The following PCDH9 variants were observed in gnomAD, a reference collection of about 807,000 sequenced individuals.
PCDH9 encodes protocadherin 9.
In PCDH9, 24 loss-of-function variants were observed where a neutral mutation model predicts 70.6. The ratio of observed to expected loss-of-function variants is 0.34; its 90% confidence interval spans 0.25 to 0.48. PCDH9 has a LOEUF of 0.48. Among genes scored for constraint, PCDH9 ranks in the 20% least tolerant of loss-of-function variants. The probability of loss-of-function intolerance (pLI) is 0.99; values close to 1 mark genes in which losing one functional copy is unlikely to be tolerated. For synonymous variants in PCDH9, 562 were observed against 558.5 expected, an observed-to-expected ratio of 1.01 and a Z score of -0.09; for missense variants, 1,281 against 1,503.6, an observed-to-expected ratio of 0.85 and a Z score of 2.45.
chr13:66,462,457 G>C (rs148939436), intron 4 of PCDH9, among the ~76,000 whole-genome samples: 141 of 151,810 alleles, frequency 9.3e-4, no homozygotes, highest in African/African-American at 3.3e-3. Flanking sequence ...GAAAGATCAC[G>C]GGAGCTAAAT....
chr13:66,761,657 T>C (rs2079629687), intron 3 of PCDH9, among the ~76,000 whole-genome samples: 2 of 152,284 alleles, frequency 1.3e-5, no homozygotes, highest in Non-Finnish European at 1.5e-5. Context: ...TTCCAAGTAT[T>C]GTATTTGCAG....
chr13:67,225,628 T>C lies in PCDH9; in HGVS notation c.2813A>G (p.His938Arg). 3 of 1,614,136 alleles carry C rather than the reference T, an allele frequency of 1.9e-6. No individual in the cohort carries two copies. Among genetic ancestry groups the C allele is most frequent in the Non-Finnish European group, 2.5e-6 (3 of 1,180,002 alleles). ...FKPNSPDLAK[H>R]YKSASPQPAF... Reference sequence around the variant, plus strand: ...AGGCTGTGGAGAAGCAGATTTGTAGTGCTTGGCCAGGTCAGGACTGTTAGG... The same window carrying C: ...AGGCTGTGGAGAAGCAGATTTGTAGCGCTTGGCCAGGTCAGGACTGTTAGG... The change falls in exon 2 of 5, where the codon CAC (histidine) becomes CGC (arginine). Residue 938 changes from histidine (H) to arginine (R), a missense_variant. By Grantham distance (29) the His-to-Arg change is conservative. Around this residue, in one of 4 missense-constraint regions of PCDH9, gnomAD observed 207 missense variants for 191.8 expected, o/e 1.08. Transcript: ENST00000377865.
intron 4 of PCDH9, among the ~76,000 whole-genome samples, chr13:66,534,577 G>T (rs1280937576): frequency 1.3e-5 from 2 of 152,012 alleles, no homozygotes; most frequent in African/African-American, 4.8e-5. Flanking sequence ...CACCACACTG[G>T]GGGCTAGAGT....
intron 2 of PCDH9, among the ~76,000 whole-genome samples, chr13:67,034,856 T>C (rs1043988178): frequency 6.6e-6 from 1 of 151,974 alleles, no homozygotes; most frequent in Non-Finnish European, 1.5e-5. Flanking sequence ...TTCAGTGACA[T>C]ATCACTGCTG....
intron 3 of PCDH9, among the ~76,000 whole-genome samples, chr13:66,861,586 TA>T (rs1174588916): frequency 2.8e-4 from 43 of 152,162 alleles, no homozygotes; most frequent in African/African-American, 1.0e-3. Flanking sequence ...TTAAGTTTAA[TA>T]GATTTCATAT....
chr13:66,381,378 T>C (rs570640427), intron 4 of PCDH9, among the ~76,000 whole-genome samples: 3 of 152,338 alleles, frequency 2.0e-5, no homozygotes, highest in South Asian at 4.1e-4. Flanking sequence ...TGTATGACTG[T>C]GCTCAAATAG....
chr13:66,565,292 T>A (rs1002500099), intron 4 of PCDH9, among the ~76,000 whole-genome samples: 3 of 152,196 alleles, frequency 2.0e-5, no homozygotes, highest in African/African-American at 7.2e-5. Flanking sequence ...AATAAATAAA[T>A]GGTGATAACA....
chr13:67,121,030 A>C (rs944061855), intron 2 of PCDH9, among the ~76,000 whole-genome samples: 4 of 152,142 alleles, frequency 2.6e-5, no homozygotes, highest in Non-Finnish European at 5.9e-5. Context: ...CTAACGTCCT[A>C]CTGTATGCTA....
chr13:67,147,504 C>T lies in PCDH9; in HGVS notation c.3036+77901G>A, dbSNP rs143751471. Among the ~76,000 whole-genome samples the T allele has an allele frequency of 3.6e-3, 553 of 152,258 alleles. 3 individuals carry two copies. Among genetic ancestry groups the T allele is most frequent in the Non-Finnish European group, 6.1e-3 (412 of 68,010 alleles). ...CTCCTGTTCAGGCAGCCTGCAGTGTCCCTGGAGAGAGTCTACGCTTGCCTT... is the reference window on the plus strand; with the variant it reads ...CTCCTGTTCAGGCAGCCTGCAGTGTTCCTGGAGAGAGTCTACGCTTGCCTT... On this transcript the variant is annotated intron_variant, in intron 2 of 4. Transcript: ENST00000377865.
chr13:66,757,994 A>G (rs926662005), intron 3 of PCDH9, among the ~76,000 whole-genome samples: 1 of 152,106 alleles, frequency 6.6e-6, no homozygotes, highest in East Asian at 1.9e-4. Flanking sequence ...ATTAATGAAC[A>G]TACAAATAAT....
intron 2 of PCDH9, among the ~76,000 whole-genome samples, chr13:67,051,000 T>C (rs906172137): frequency 1.3e-5 from 2 of 152,188 alleles, no homozygotes; most frequent in African/African-American, 4.8e-5. Flanking sequence ...TATAGATCTT[T>C]GGGGGATTCA....
Position 66,684,956 on chromosome 13 carries a change from G to T in PCDH9, c.3139-53545C>A, listed in dbSNP as rs554558247. ...TATAGACAATGAAGTCGAGATGGAG[G>T]TAGTGTTAAAAGCAATCAGTTTTAT... is the stretch of plus-strand genomic sequence containing the variant. On this transcript the variant is annotated intron_variant, in intron 3 of 4. Coordinates refer to ENST00000377865, the MANE Select transcript of PCDH9 (RefSeq NM_203487.3). 6.6e-5 allele frequency among the ~76,000 whole-genome samples: 10 copies of T among 152,094 alleles called. No individual in the cohort carries two copies. The East Asian group carries it at 1.2e-3, about 18-fold the overall frequency.
intron 3 of PCDH9, among the ~76,000 whole-genome samples, chr13:66,876,176 A>G (rs1343014882): frequency 2.0e-5 from 3 of 152,186 alleles, no homozygotes; most frequent in Non-Finnish European, 2.9e-5. Flanking sequence ...ACTTACTAAA[A>G]CCAATAGCCA....
chr13:66,597,340 G>C (rs1334999044), intron 4 of PCDH9, among the ~76,000 whole-genome samples: 2 of 151,710 alleles, frequency 1.3e-5, no homozygotes, highest in African/African-American at 4.8e-5. Context: ...AAGCTACAAA[G>C]CTACACTAAT....
At chr13:66,379,582 G>A (rs1329351706) in intron 4 of PCDH9, among the ~76,000 whole-genome samples, 4 of 152,006 alleles carry the variant, frequency 2.6e-5, no homozygotes, top group Non-Finnish European at 2.9e-5. Context: ...AGGCTGAGAG[G>A]AGATTCTGCA....
intron 3 of PCDH9, among the ~76,000 whole-genome samples, chr13:66,758,364 A>G (rs555060619): frequency 6.6e-6 from 1 of 152,092 alleles, no homozygotes; most frequent in Admixed American, 6.5e-5. Flanking sequence ...CCTAACCATC[A>G]CAGCCTTTGG....
chr13:66,633,747 A>G (rs974868760), intron 3 of PCDH9, among the ~76,000 whole-genome samples: 1 of 152,220 alleles, frequency 6.6e-6, no homozygotes, highest in Non-Finnish European at 1.5e-5. Flanking sequence ...CCCTTAAGCC[A>G]TTAAGAAGTA....
At chr13:66,711,568 C>T (rs1484089435) in intron 3 of PCDH9, among the ~76,000 whole-genome samples, 1 of 151,998 alleles carries the variant, frequency 6.6e-6, no homozygotes, top group African/African-American at 2.4e-5. Context: ...CCTTTAAATA[C>T]AATGTTATTT....
chr13:66,817,681 A>C (rs1464074228), intron 3 of PCDH9, among the ~76,000 whole-genome samples: 3 of 151,922 alleles, frequency 2.0e-5, no homozygotes, highest in Non-Finnish European at 2.9e-5. Flanking sequence ...CCAGGCTGGA[A>C]TGCAGTGGCT....
Sources: gnomAD v4.1 joint callset for allele counts (sites outside exome capture counted in the v4.1 genomes callset) on GRCh38, gnomAD v4.1.1 for gene constraint, gnomAD v4.1.1 regional missense constraint, MANE v1.5 for transcripts, NCBI Gene and HGNC (gene_info 2026-07-23, HGNC 2026-07-21) for gene names.